PIK3C2A: variants seen among roughly 807,000 people sequenced by gnomAD.
The protein encoded by PIK3C2A is phosphatidylinositol 4-phosphate 3-kinase C2 domain-containing subunit alpha.
PIK3C2A carries 97 observed loss-of-function variants against 204.5 expected under a neutral mutation model. The ratio of observed to expected loss-of-function variants is 0.47; its 90% confidence interval spans 0.40 to 0.56. PIK3C2A has a LOEUF of 0.56. Ranked by LOEUF, PIK3C2A falls within the 20% of genes least tolerant of loss-of-function variation. PIK3C2A has a pLI of 0.00. For missense variants in PIK3C2A, 1,735 were observed against 1,969.2 expected (o/e 0.88, Z 2.25); for synonymous variants, 653 against 664.4 (o/e 0.98, Z 0.26).
At chr11:17,146,962 A>C (rs1850263683) in intron 6 of PIK3C2A, among the ~76,000 whole-genome samples, 1 of 152,214 alleles carries the variant, frequency 6.6e-6, no homozygotes, top group African/African-American at 2.4e-5. Flanking sequence ...ATTCGATTTT[A>C]AGTTCATCAA....
chr11:17,165,091 G>A (rs750415116), intron 2 of PIK3C2A, among the ~76,000 whole-genome samples: 9 of 152,056 alleles, frequency 5.9e-5, no homozygotes, highest in Non-Finnish European at 8.8e-5. Context: ...GTTGAGTTTC[G>A]CAATGAAAGC....
chr11:17,125,790 A>G (rs1484416185), intron 13 of PIK3C2A, among the ~76,000 whole-genome samples: 1 of 151,590 alleles, frequency 6.6e-6, no homozygotes, highest in Non-Finnish European at 1.5e-5. Flanking sequence ...ATGAGCCACC[A>G]TAACGGGCTA....
At chr11:17,170,891 C>G (rs1385282907) in intron 1 of PIK3C2A, among the ~76,000 whole-genome samples, 1 of 152,088 alleles carries the variant, frequency 6.6e-6, no homozygotes, top group East Asian at 1.9e-4. Context: ...ATCACAAGGT[C>G]AGGAGATCGA....
chr11:17,195,742 C>CAA (rs56286931), intron 1 of PIK3C2A, among the ~76,000 whole-genome samples: 1 of 139,694 alleles, frequency 7.2e-6, no homozygotes. Flanking sequence ...GACTCTATTG[C>CAA]AAAAAAAAAA....
In PIK3C2A at chr11:17,150,581, C is replaced by G; in HGVS notation, c.1244G>C (p.Arg415Thr). 6.2e-7 allele frequency: 1 copy of G among 1,612,110 alleles called. No individual in the cohort carries two copies. The highest frequency in any genetic ancestry group is 8.5e-7 in the Non-Finnish European group (1 of 1,178,810). Reference protein sequence around the residue: ...GYLLSPVTAQRNICGENASVK... With the variant: ...GYLLSPVTAQTNICGENASVK... ...ACTAGCATTTTCTCCGCATATGTTTCTTTGTGCTGTGACTGGACTTAACAA... is the reference window on the plus strand; with the variant it reads ...ACTAGCATTTTCTCCGCATATGTTTGTTTGTGCTGTGACTGGACTTAACAA... Residue 415 changes from arginine to threonine, a missense_variant, in exon 4 of 33, where the codon AGA becomes ACA. This residue lies in a region of PIK3C2A where 536 missense variants were observed against 546.7 expected (regional missense o/e 0.98). Coordinates refer to ENST00000691414, the MANE Select transcript of PIK3C2A (RefSeq NM_002645.4).
At chr11:17,180,506 C>G (rs919791077) in intron 1 of PIK3C2A, among the ~76,000 whole-genome samples, 2 of 141,516 alleles carry the variant, frequency 1.4e-5, no homozygotes, top group Non-Finnish European at 3.0e-5. Flanking sequence ...AACAAAACAA[C>G]AACAACAACA....
intron 2 of PIK3C2A, among the ~76,000 whole-genome samples, chr11:17,166,310 T>C (rs995743896): frequency 1.3e-5 from 2 of 152,090 alleles, no homozygotes; most frequent in Non-Finnish European, 1.5e-5. Flanking sequence ...AGAGTTCGGT[T>C]TGAGTATGTA....
intron 26 of PIK3C2A, among the ~76,000 whole-genome samples, 168 bp downstream of exon 26, chr11:17,099,692 T>C (rs959538098): frequency 5.3e-5 from 8 of 152,236 alleles, no homozygotes; most frequent in Non-Finnish European, 1.0e-4. Flanking sequence ...AAATCCTTTG[T>C]ATTTATTAGT....
Position 17,110,561 on chromosome 11 carries a change from C to T in PIK3C2A, c.3415G>A (p.Val1139Ile), listed in dbSNP as rs766477377. The change falls in exon 22 of 33, where the codon GTT becomes ATT. Residue 1139 changes from valine (V) to isoleucine (I), a missense_variant and splice_region_variant. Around this residue, in one of 6 missense-constraint regions of PIK3C2A, gnomAD observed 503 missense variants for 669.0 expected, o/e 0.75. Transcript: ENST00000691414. Reference sequence around the variant, plus strand: ...ATATCTTGCCGAAGATCTTCACCAACCTTGAAATCAAGGAAACAAAATGAA... The same window carrying T: ...ATATCTTGCCGAAGATCTTCACCAATCTTGAAATCAAGGAAACAAAATGAA... ...MGEEINVMFK[V>I]GEDLRQDMLA... The T allele has an allele frequency of 6.2e-6, 10 of 1,605,578 alleles. No homozygotes were observed. The highest frequency in any genetic ancestry group is 1.7e-5 in the Admixed American group (1 of 58,224).
At chr11:17,110,656 C>CTGAGG in intron 21 of PIK3C2A, 95 bp from the exon 22 acceptor site, 1 of 1,089,992 alleles carries the variant, frequency 9.2e-7, no homozygotes, top group South Asian at 1.6e-5. Flanking sequence ...CTTTGGGAGG[C>CTGAGG]CAAAGTGGGC....
In PIK3C2A at chr11:17,128,454, T is replaced by A. The variant is rs1001006673; in HGVS notation, c.2399+846A>T. On this transcript the variant is annotated intron_variant, in intron 13 of 32. Coordinates refer to ENST00000691414, the MANE Select transcript of PIK3C2A (RefSeq NM_002645.4). ...GGATTTCACCATGTTGGCCAGGCTG[T>A]TCTCAAACTGCTGACCTCAAGTGAT... Among the ~76,000 whole-genome samples, 4 of 151,944 alleles carry A rather than the reference T, an allele frequency of 2.6e-5. No individual in the cohort carries two copies. In the East Asian group the frequency reaches 7.7e-4, roughly 29 times the overall value.
chr11:17,094,270 T>C lies in PIK3C2A; in HGVS notation c.4442A>G (p.Lys1481Arg), dbSNP rs140828463. Reference protein sequence around the residue: ...NKLSIIFPLWKLPGFPNRMVL... With the variant: ...NKLSIIFPLWRLPGFPNRMVL... ...AAGGATGAATACATACCCTGGTAACTTCCAAAGTGGAAAAATAATACTGAG... is the reference window on the plus strand; with the variant it reads ...AAGGATGAATACATACCCTGGTAACCTCCAAAGTGGAAAAATAATACTGAG... Residue 1481 changes from lysine to arginine, a missense_variant, in exon 28 of 33, where the codon AAG becomes AGG. Lys to Arg is a conservative substitution (Grantham distance 26). Coordinates refer to ENST00000691414, the MANE Select transcript of PIK3C2A (RefSeq NM_002645.4). 365 of 1,610,100 alleles carry C rather than the reference T, an allele frequency of 2.3e-4. 1 individual carries two copies. The African/African-American group carries it at 4.3e-3, about 19-fold the overall frequency.
At chr11:17,194,353 C>T (rs1016733218) in intron 1 of PIK3C2A, 2 of 262,430 alleles carry the variant, frequency 7.6e-6, no homozygotes, top group Non-Finnish European at 1.5e-5. Flanking sequence ...GTGCAACCTG[C>T]CCAGGCTGCC....
chr11:17,112,687 G>T, intron 20 of PIK3C2A, 21 bp from the exon 21 acceptor site: 3 of 1,250,904 alleles, frequency 2.4e-6, no homozygotes, highest in Non-Finnish European at 3.3e-6. Flanking sequence ...AACATGTTAA[G>T]CATTAGAAAG....
At chr11:17,198,938 G>A (rs1406508625) in intron 1 of PIK3C2A, among the ~76,000 whole-genome samples, 2 of 152,076 alleles carry the variant, frequency 1.3e-5, no homozygotes, top group African/African-American at 2.4e-5. Flanking sequence ...GGCCAACGTG[G>A]TGAAACACTG....
At chr11:17,181,314 T>C (rs994594637) in intron 1 of PIK3C2A, among the ~76,000 whole-genome samples, 3 of 150,986 alleles carry the variant, frequency 2.0e-5, no homozygotes, top group African/African-American at 4.9e-5. Flanking sequence ...CATCCTGAAG[T>C]TATCTAAGAG....
chr11:17,146,025 T>C (rs1850231908), intron 6 of PIK3C2A, 83 bp from the exon 7 acceptor site: 2 of 950,742 alleles, frequency 2.1e-6, no homozygotes, highest in Non-Finnish European at 3.2e-6. Context: ...AAGTGTATGA[T>C]AAAATCTTGC....
At chr11:17,193,545 G>A in intron 1 of PIK3C2A, 2 of 438,378 alleles carry the variant, frequency 4.6e-6, no homozygotes, top group Non-Finnish European at 9.1e-6. Flanking sequence ...GCACAGAAAT[G>A]GTATTAAGAA....
intron 1 of PIK3C2A, among the ~76,000 whole-genome samples, chr11:17,176,877 C>CAT (rs1851356208): frequency 6.6e-6 from 1 of 152,208 alleles, no homozygotes; most frequent in South Asian, 2.1e-4. Context: ...CAAATATCTG[C>CAT]ATATCTCTAT....
Sources: allele counts gnomAD v4.1 joint callset (sites outside exome capture counted in the v4.1 genomes callset), GRCh38; gene constraint gnomAD v4.1.1; regional missense constraint gnomAD v4.1.1; transcripts MANE v1.5; gene names NCBI Gene and HGNC (gene_info 2026-07-23, HGNC 2026-07-21).